Variants in CPB2 observed in about 807,000 individuals in gnomAD.
The protein encoded by CPB2 is carboxypeptidase B-like protein.
Under a neutral mutation model 57.0 loss-of-function variants are expected in CPB2, and 54 were observed. The ratio of observed to expected loss-of-function variants is 0.95; its 90% CI spans 0.76 to 1.19. The LOEUF (loss-of-function observed/expected upper bound fraction) is 1.19, where lower values mean the gene tolerates loss of function less well. CPB2 is among the 50% of genes most tolerant of loss of function. The pLI is 0.00. For missense variants in CPB2, 426 were observed against 512.0 expected, an observed-to-expected ratio of 0.83 and a Z score of 1.62; for synonymous variants, 189 against 178.1, an observed-to-expected ratio of 1.06 and a Z score of -0.49.
chr13:46,095,252 C>G (rs894669827), intron 1 of CPB2, among the ~76,000 whole-genome samples: 1 of 152,002 alleles, frequency 6.6e-6, no homozygotes, highest in Non-Finnish European at 1.5e-5. Context: ...AAGACCAGAG[C>G]TATCATAGTG....
chr13:46,080,196 G>A (rs1028304285), intron 4 of CPB2, among the ~76,000 whole-genome samples: 1 of 152,152 alleles, frequency 6.6e-6, no homozygotes, highest in African/African-American at 2.4e-5. Flanking sequence ...CTTCTAAGAA[G>A]TAATTTTTGG....
rs529116587 is a variant in CPB2 at position 46,086,471 on chromosome 13, G to T, written c.150+1274C>A. On this transcript the variant is annotated intron_variant, in intron 2 of 10. Transcript: ENST00000181383. Reference sequence around the variant, plus strand: ...TCAGCAGAGAGGAGACCCTGGAGTGGGTGGCTCCTCTCTACAGCTGGTCCT... The same window carrying T: ...TCAGCAGAGAGGAGACCCTGGAGTGTGTGGCTCCTCTCTACAGCTGGTCCT... 8.5e-5 allele frequency among the ~76,000 whole-genome samples: 13 copies of T among 152,284 alleles called. No individual in the cohort carries two copies. The East Asian group carries it at 2.5e-3, about 29-fold the overall frequency.
intron 9 of CPB2, among the ~76,000 whole-genome samples, chr13:46,057,524 C>T (rs576796472): frequency 3.3e-5 from 5 of 152,280 alleles, no homozygotes; most frequent in East Asian, 1.9e-4. Flanking sequence ...GAGGATTTGT[C>T]GAAGCCTAGC....
chr13:46,059,625 G>A (rs552967745), intron 8 of CPB2, among the ~76,000 whole-genome samples: 4 of 151,326 alleles, frequency 2.6e-5, no homozygotes, highest in Non-Finnish European at 2.9e-5. Flanking sequence ...TCATCATGTG[G>A]ACTGAGACCT....
intron 8 of CPB2, among the ~76,000 whole-genome samples, chr13:46,060,764 T>G (rs2044761290): frequency 6.6e-6 from 1 of 152,070 alleles, no homozygotes; most frequent in African/African-American, 2.4e-5. Flanking sequence ...TTTCAAGCAT[T>G]TTAGTGGAAA....
At chr13:46,056,098 TATTA>T (rs1376467703) in intron 9 of CPB2, among the ~76,000 whole-genome samples, 2 of 149,430 alleles carry the variant, frequency 1.3e-5, no homozygotes, top group Non-Finnish European at 2.9e-5. Context: ...TAAATAAATA[TATTA>T]ATTTGCAGAA....
In CPB2 at chr13:46,084,325, C is replaced by T; in HGVS notation, c.169G>A (p.Val57Ile). ...TTYEIVLWQP[V>I]TADLIVKKKQ... is the part of the protein sequence containing the mutation. ...TTCTTCACAATAAGGTCAGCTGTTA[C>T]CGGCTGCCAGAGAACAATCTACAGT... The change falls in exon 3 of 11, where the codon GTA becomes ATA. Residue 57 changes from valine to isoleucine, a missense_variant. Transcript: ENST00000181383. The T allele has an allele frequency of 6.2e-7, 1 of 1,613,992 alleles. No individual in the cohort carries two copies. The highest frequency in any genetic ancestry group is 8.5e-7 in the Non-Finnish European group (1 of 1,179,974).
chr13:46,069,037 A>G (rs1005797318), intron 6 of CPB2, among the ~76,000 whole-genome samples: 2 of 152,194 alleles, frequency 1.3e-5, no homozygotes, highest in African/African-American at 4.8e-5. Context: ...CATGGGCCAA[A>G]CTTTTAATAG....
At chr13:46,068,632 A>T (rs9567610) in intron 6 of CPB2, among the ~76,000 whole-genome samples, 51,775 of 151,316 alleles carry the variant, frequency 0.34, 9,062 homozygotes, top group African/African-American at 0.39. Context: ...CACGGTGGTT[A>T]GCTGCACCCA....
intron 1 of CPB2, among the ~76,000 whole-genome samples, chr13:46,088,121 G>T (rs1224479071): frequency 6.6e-6 from 1 of 152,028 alleles, no homozygotes; most frequent in African/African-American, 2.4e-5. Flanking sequence ...AATATTTGAT[G>T]CATAAGGGAA....
chr13:46,054,234 A>G (rs1427447189), intron 10 of CPB2, among the ~76,000 whole-genome samples: 2 of 152,190 alleles, frequency 1.3e-5, no homozygotes, highest in African/African-American at 2.4e-5. Flanking sequence ...TTTGTTTGGC[A>G]TATTTATTGG....
intron 1 of CPB2, among the ~76,000 whole-genome samples, chr13:46,091,122 A>C (rs1335219908): frequency 6.6e-6 from 1 of 152,192 alleles, no homozygotes; most frequent in Non-Finnish European, 1.5e-5. Flanking sequence ...TTGCTAAGAT[A>C]TAGAAATAAA....
intron 1 of CPB2, among the ~76,000 whole-genome samples, chr13:46,102,616 G>T (rs1390816039): frequency 1.4e-5 from 2 of 143,474 alleles, no homozygotes; most frequent in Non-Finnish European, 3.0e-5. Flanking sequence ...TTTTAGAAGG[G>T]TTGATATTCT....
rs753652121 is a variant in CPB2, at chr13:46,087,826, GA to G, written c.75-7del. The G allele has an allele frequency of 6.3e-6, 10 of 1,591,092 alleles. No homozygotes were observed. In the East Asian group the frequency reaches 8.9e-5, roughly 14 times the overall value. ...GAGCAGCTAGAACTTGGCCACTGGG[GA>G]AAAAAATAAAAGAGGATTTTGATAT... On this transcript the variant is annotated splice_polypyrimidine_tract_variant and splice_region_variant and intron_variant, in intron 1 of 10. Transcript: ENST00000181383.
At chr13:46,063,265 C>T (rs1203888353) in intron 8 of CPB2, among the ~76,000 whole-genome samples, 1 of 152,106 alleles carries the variant, frequency 6.6e-6, no homozygotes, top group Non-Finnish European at 1.5e-5. Flanking sequence ...AACCCATCAC[C>T]CAAATGGTGA....
intron 8 of CPB2, among the ~76,000 whole-genome samples, chr13:46,059,577 TATCATC>T (rs10571812): frequency 0.38 from 56,267 of 149,906 alleles, 10,732 homozygotes; most frequent in Middle Eastern, 0.45. Context: ...TGTTGCTGTT[TATCATC>T]ATCATCATCA....
intron 1 of CPB2, among the ~76,000 whole-genome samples, chr13:46,088,706 A>G (rs1235571509): frequency 6.6e-6 from 1 of 152,208 alleles, no homozygotes; most frequent in African/African-American, 2.4e-5. Flanking sequence ...TCAAATTTTT[A>G]TGAAATGAAA....
At chr13:46,076,701 G>T (rs1018567718) in intron 5 of CPB2, among the ~76,000 whole-genome samples, 5 of 151,948 alleles carry the variant, frequency 3.3e-5, no homozygotes, top group African/African-American at 1.2e-4. Flanking sequence ...AGCAAAGCTG[G>T]AGTACTAAAA....
At chr13:46,061,166 T>TG (rs1215958975) in intron 8 of CPB2, among the ~76,000 whole-genome samples, 1 of 151,806 alleles carries the variant, frequency 6.6e-6, no homozygotes, top group African/African-American at 2.4e-5. Context: ...AATTAAAAAT[T>TG]GTTAAAATGG....
Sources: allele counts gnomAD v4.1 joint callset (sites outside exome capture counted in the v4.1 genomes callset), GRCh38; gene constraint gnomAD v4.1.1; transcripts MANE v1.5; gene names NCBI Gene and HGNC (gene_info 2026-07-23, HGNC 2026-07-21).